SHISA9: variants seen among roughly 807,000 people sequenced by gnomAD.
SHISA9 encodes the protein shisa family member 9, also known as protein shisa-9.
A neutral mutation model predicts 38.0 loss-of-function variants in SHISA9; 13 were observed. The ratio of observed to expected loss-of-function variants is 0.34; its 90% CI spans 0.22 to 0.54. The LOEUF is 0.54. Ranked by LOEUF, SHISA9 falls within the 20% of genes least tolerant of loss-of-function variation. SHISA9 has a pLI of 0.91. For synonymous variants in SHISA9, 275 were observed against 242.0 expected (o/e 1.14, Z -1.27); for missense variants, 538 against 575.8 (o/e 0.93, Z 0.67).
At chr16:13,321,189 A>C in the SHISA9 span, among the ~76,000 whole-genome samples, 1 of 152,244 alleles carries the variant, frequency 6.6e-6, no homozygotes, top group African/African-American at 2.4e-5. Flanking sequence ...TATTGTTGCC[A>C]GATCCATCCA....
chr16:13,533,966 G>A, the SHISA9 span, among the ~76,000 whole-genome samples: 1 of 151,936 alleles, frequency 6.6e-6, no homozygotes, highest in African/African-American at 2.4e-5. Flanking sequence ...TGTATTTTTA[G>A]TAGAGACAGG....
chr16:13,404,549 A>C, the SHISA9 span, among the ~76,000 whole-genome samples: 1 of 152,270 alleles, frequency 6.6e-6, no homozygotes, highest in African/African-American at 2.4e-5. Flanking sequence ...TATGGGACGA[A>C]GGCTACAGGT....
rs543410575 is a variant in SHISA9 at position 12,978,580 on chromosome 16, T to G, written c.691+61765T>G. Among the ~76,000 whole-genome samples the G allele has an allele frequency of 1.1e-3, 169 of 152,320 alleles. 1 individual carries two copies. Among genetic ancestry groups the G allele is most frequent in the African/African-American group, 3.8e-3 (160 of 41,578 alleles). The stretch of plus-strand genomic sequence containing the variant: ...AACAACAATTAAGGACATCAATATT[T>G]GCTTCCAAAGTAATCTGCTTATTAT... On this transcript the variant is annotated intron_variant, in intron 2 of 4. Transcript: ENST00000558583.
chr16:12,932,066 T>C (rs2071468789), intron 2 of SHISA9, among the ~76,000 whole-genome samples: 1 of 152,214 alleles, frequency 6.6e-6, no homozygotes, highest in South Asian at 2.1e-4. Context: ...ACATGCTTTC[T>C]TGCCTGCCAC....
the SHISA9 span, among the ~76,000 whole-genome samples, chr16:13,377,955 C>G: frequency 6.6e-6 from 1 of 152,154 alleles, no homozygotes; most frequent in Non-Finnish European, 1.5e-5. Flanking sequence ...ATCGCTTGAA[C>G]CTGGAAGGCG....
chr16:12,906,940 C>G (rs1169495412), intron 1 of SHISA9, among the ~76,000 whole-genome samples: 1 of 152,150 alleles, frequency 6.6e-6, no homozygotes, highest in African/African-American at 2.4e-5. Flanking sequence ...TTGAGAACCA[C>G]TAACTTAGAT....
At chr16:13,152,841 C>A (rs138630988) in intron 2 of SHISA9, among the ~76,000 whole-genome samples, 99 of 152,302 alleles carry the variant, frequency 6.5e-4, no homozygotes, top group Admixed American at 1.4e-3. Flanking sequence ...TGTTAGGTTA[C>A]ATGGCAAGAG....
At chr16:13,469,320 G>GAGAGAA in the SHISA9 span, among the ~76,000 whole-genome samples, 198 of 61,610 alleles carry the variant, frequency 3.2e-3, 7 homozygotes, top group African/African-American at 0.012. Flanking sequence ...GAGAGAGAGA[G>GAGAGAA]AGAAAGAAAG....
chr16:13,338,117 G>A, the SHISA9 span, among the ~76,000 whole-genome samples: 3 of 152,114 alleles, frequency 2.0e-5, no homozygotes, highest in Non-Finnish European at 4.4e-5. Context: ...GCTACCAGGG[G>A]CCTTCTTGTC....
chr16:12,921,856 A>T lies in SHISA9; in HGVS notation c.691+5041A>T, dbSNP rs546546227. Among the ~76,000 whole-genome samples the T allele has an allele frequency of 2.6e-5, 4 of 152,362 alleles. No homozygotes were observed. In the South Asian group the frequency reaches 8.3e-4, roughly 32 times the overall value. ...ATCGAGGCATATATAACAGTAAAAA[A>T]TATGTAAGATAGTGTAATATCAGCA... On this transcript the variant is annotated intron_variant, in intron 2 of 4. Coordinates refer to ENST00000558583, the MANE Select transcript of SHISA9 (RefSeq NM_001145204.3).
At chr16:12,904,277 C>G (rs375214474) in intron 1 of SHISA9, among the ~76,000 whole-genome samples, 78 of 152,188 alleles carry the variant, frequency 5.1e-4, no homozygotes, top group African/African-American at 1.8e-3. Flanking sequence ...AGGTAGGCTG[C>G]CTTGCAGATT....
At chr16:13,267,689 A>G in the SHISA9 span, among the ~76,000 whole-genome samples, 1 of 152,180 alleles carries the variant, frequency 6.6e-6, no homozygotes. Flanking sequence ...TTGCTGGATT[A>G]TTATAAGCAA....
At chr16:13,392,878 C>T in the SHISA9 span, among the ~76,000 whole-genome samples, 1 of 152,228 alleles carries the variant, frequency 6.6e-6, no homozygotes, top group African/African-American at 2.4e-5. Context: ...GGAAGGGATT[C>T]TCTTACTCAC....
intron 2 of SHISA9, among the ~76,000 whole-genome samples, chr16:12,939,953 A>C (rs1208401974): frequency 6.6e-6 from 1 of 152,220 alleles, no homozygotes; most frequent in Admixed American, 6.5e-5. Context: ...TTCTGATGTC[A>C]GTGGTCCTGA....
chr16:13,485,437 A>T, the SHISA9 span, among the ~76,000 whole-genome samples: 5 of 152,162 alleles, frequency 3.3e-5, no homozygotes, highest in Admixed American at 3.3e-4. Flanking sequence ...TATCCAGTCT[A>T]TCATTGAGGG....
the SHISA9 span, among the ~76,000 whole-genome samples, chr16:13,255,967 G>A: frequency 3.9e-5 from 6 of 152,120 alleles, no homozygotes; most frequent in Admixed American, 2.6e-4. Flanking sequence ...GTAGAATAAA[G>A]AGGTGTCATA....
chr16:13,501,730 C>G, the SHISA9 span, among the ~76,000 whole-genome samples: 1 of 152,076 alleles, frequency 6.6e-6, no homozygotes, highest in Non-Finnish European at 1.5e-5. Flanking sequence ...AGGGCGGGCA[C>G]GGTGGCTCAA....
At chr16:13,394,039 T>A in the SHISA9 span, among the ~76,000 whole-genome samples, 1 of 152,242 alleles carries the variant, frequency 6.6e-6, no homozygotes, top group African/African-American at 2.4e-5. Context: ...GTTAGCCATG[T>A]GACTTGCCTT....
At chr16:13,313,939 G>T in the SHISA9 span, among the ~76,000 whole-genome samples, 5 of 152,094 alleles carry the variant, frequency 3.3e-5, no homozygotes, top group Non-Finnish European at 7.3e-5. Context: ...TAGCTCTTTG[G>T]TTCAGTTTTC....
Sources: allele counts gnomAD v4.1 joint callset (sites outside exome capture counted in the v4.1 genomes callset), GRCh38; gene constraint gnomAD v4.1.1; transcripts MANE v1.5; gene names NCBI Gene and HGNC (gene_info 2026-07-23, HGNC 2026-07-21).